Variants in ESYT2 observed in about 807,000 individuals in gnomAD.
ESYT2 encodes the protein extended synaptotagmin 2, also known as extended synaptotagmin-2.
In ESYT2, 54 loss-of-function variants were observed where a neutral mutation model predicts 107.2. The ratio of observed to expected loss-of-function variants is 0.50; its 90% CI spans 0.40 to 0.63. The LOEUF (loss-of-function observed/expected upper bound fraction) is 0.63. Among genes scored for constraint, ESYT2 ranks in the 30% least tolerant of loss-of-function variants. The pLI, the probability that ESYT2 is intolerant of heterozygous loss-of-function variation, is 0.00. For synonymous variants in ESYT2, 491 were observed against 434.1 expected, an observed-to-expected ratio of 1.13 and a Z score of -1.63; for missense variants, 1,020 against 1,094.5, an observed-to-expected ratio of 0.93 and a Z score of 0.96.
chr7:158,741,541 C>T lies in ESYT2; in HGVS notation c.2150G>A (p.Arg717Lys), dbSNP rs1321438055. 6.3e-7 allele frequency: 1 copy of T among 1,590,954 alleles called. No individual in the cohort carries two copies. The highest frequency in any genetic ancestry group is 2.2e-5 in the East Asian group (1 of 44,700). Residue 717 changes from arginine to lysine, a missense_variant, in exon 18 of 23, where the codon AGG becomes AAG. By Grantham distance (26) the Arg-to-Lys change is conservative (BLOSUM62 2). Coordinates refer to ENST00000275418, the MANE Select transcript of ESYT2 (RefSeq NM_001367773.1). ...LPIATQELRQ[R>K]LRQLENGTTL... Reference sequence around the variant, plus strand: ...TAGTTACTTTTCCAGCTGCCTCAGCCTTTGCCGCAGCTCCTGGGTGGCGAT... The same window carrying T: ...TAGTTACTTTTCCAGCTGCCTCAGCTTTTGCCGCAGCTCCTGGGTGGCGAT...
chr7:158,783,627 G>C (rs1409733076), intron 6 of ESYT2, among the ~76,000 whole-genome samples: 1 of 152,206 alleles, frequency 6.6e-6, no homozygotes, highest in Admixed American at 6.5e-5. Context: ...TGAGGGAGGA[G>C]AGGCAGGAGT....
intron 6 of ESYT2, among the ~76,000 whole-genome samples, chr7:158,782,540 T>TGA (rs1838937807): frequency 6.8e-6 from 1 of 146,388 alleles, no homozygotes; most frequent in Admixed American, 6.7e-5. Context: ...TGTAAGAAAA[T>TGA]GAGTGTGAGA....
intron 1 of ESYT2, among the ~76,000 whole-genome samples, chr7:158,810,244 A>G (rs981553701): frequency 6.6e-6 from 1 of 152,240 alleles, no homozygotes; most frequent in Admixed American, 6.5e-5. Context: ...CAGCAGCATG[A>G]TTTATATTTG....
intron 1 of ESYT2, among the ~76,000 whole-genome samples, chr7:158,801,216 A>C (rs1303773894): frequency 6.6e-6 from 1 of 152,190 alleles, no homozygotes; most frequent in Non-Finnish European, 1.5e-5. Context: ...TGCCCAAATA[A>C]GCTTTGAATA....
rs192410231 is a variant in ESYT2, at chr7:158,744,096, C to T, written c.1645-418G>A. 2.7e-4 allele frequency: 46 copies of T among 167,600 alleles called. No homozygotes were observed. The East Asian group carries it at 8.4e-3, about 31-fold the overall frequency. The allele number at this position is 167,600 out of a possible 1,614,324, so 10.4% of individuals were successfully genotyped here. A position where few individuals can be genotyped will look rare whatever the true frequency, so the allele number is the denominator to read the frequency against. On this transcript the variant is annotated intron_variant, in intron 16 of 22. Transcript: ENST00000275418. ...ACAAACAAACAAATGTAGAAAGGTC[C>T]ACAGACAATATTAGTCTGTAAGAAA...
intron 4 of ESYT2, among the ~76,000 whole-genome samples, chr7:158,792,074 G>A (rs796394197): frequency 1.3e-5 from 2 of 149,188 alleles, no homozygotes; most frequent in African/African-American, 4.9e-5. Context: ...ATTGTTAATT[G>A]TTAGTGTATA....
chr7:158,801,311 C>G (rs1029743681), intron 1 of ESYT2, among the ~76,000 whole-genome samples: 10 of 152,174 alleles, frequency 6.6e-5, no homozygotes, highest in Admixed American at 2.6e-4. Context: ...ATCGAGCCGT[C>G]TCTTAGTAGT....
Position 158,748,182 on chromosome 7 carries a change from C to A in ESYT2, c.1644+12G>T. On this transcript the variant is annotated intron_variant, in intron 16 of 22. Coordinates refer to ENST00000275418, the MANE Select transcript of ESYT2 (RefSeq NM_001367773.1). ...TTGTCAATAAATTGGTTAAAAAATG[C>A]AAATAAAATACCTCAACTTCAAGGT... 2.5e-6 allele frequency: 4 copies of A among 1,610,932 alleles called. No individual in the cohort carries two copies. Among genetic ancestry groups the A allele is most frequent in the Non-Finnish European group, 3.4e-6 (4 of 1,178,694 alleles).
chr7:158,751,588 A>G (rs1376882255), intron 14 of ESYT2, among the ~76,000 whole-genome samples: 4 of 151,702 alleles, frequency 2.6e-5, no homozygotes, highest in Non-Finnish European at 4.4e-5. Flanking sequence ...AAACTAGGTG[A>G]GCTAATTTAA....
intron 13 of ESYT2, among the ~76,000 whole-genome samples, chr7:158,757,256 A>G (rs1258317047): frequency 6.6e-6 from 1 of 152,252 alleles, no homozygotes; most frequent in Admixed American, 6.5e-5. Flanking sequence ...CCGCCAGCCA[A>G]CTGCATTAGA....
At chr7:158,797,682 G>A (rs1014725996) in intron 3 of ESYT2, among the ~76,000 whole-genome samples, 2 of 151,852 alleles carry the variant, frequency 1.3e-5, no homozygotes, top group East Asian at 1.9e-4. Context: ...GTGAAACCCC[G>A]TCTCTACTAA....
intron 1 of ESYT2, among the ~76,000 whole-genome samples, chr7:158,808,510 G>A (rs1407991912): frequency 1.3e-5 from 2 of 152,240 alleles, no homozygotes; most frequent in Non-Finnish European, 2.9e-5. Context: ...AAGTGAAAAG[G>A]TGAAAGTTCT....
At chr7:158,794,220 G>A (rs960762435) in intron 3 of ESYT2, among the ~76,000 whole-genome samples, 2 of 152,176 alleles carry the variant, frequency 1.3e-5, no homozygotes, top group African/African-American at 4.8e-5. Flanking sequence ...ACGCCCAGGC[G>A]TGGCCGCTCA....
intron 1 of ESYT2, among the ~76,000 whole-genome samples, chr7:158,826,493 T>A (rs1015872110): frequency 3.7e-4 from 57 of 152,108 alleles, no homozygotes; most frequent in Middle Eastern, 6.8e-3. Flanking sequence ...TTGAAAAGAA[T>A]CTTTGGCTAA....
intron 1 of ESYT2, among the ~76,000 whole-genome samples, chr7:158,822,183 TAAC>T (rs1302432297): frequency 1.3e-5 from 2 of 152,064 alleles, no homozygotes; most frequent in African/African-American, 4.8e-5. Flanking sequence ...TGCCAAACCA[TAAC>T]AAAATGCAAG....
At chr7:158,786,139 AT>A (rs34008892) in intron 6 of ESYT2, among the ~76,000 whole-genome samples, 16,453 of 152,178 alleles carry the variant, frequency 0.11, 1,343 homozygotes, top group East Asian at 0.43. Context: ...TGAGCACTAA[AT>A]TTCATTTGGA....
At chr7:158,818,789 G>A (rs1319519416) in intron 1 of ESYT2, among the ~76,000 whole-genome samples, 1 of 152,232 alleles carries the variant, frequency 6.6e-6, no homozygotes, top group Admixed American at 6.5e-5. Context: ...AGGGAGTTAG[G>A]AAGGGGTGGG....
chr7:158,771,006 T>C (rs1483347431), intron 7 of ESYT2, among the ~76,000 whole-genome samples: 1 of 151,908 alleles, frequency 6.6e-6, no homozygotes, highest in African/African-American at 2.4e-5. Flanking sequence ...AAAATAAAAA[T>C]AAAATAGCTA....
chr7:158,814,287 T>TTTTATA (rs1219869401), intron 1 of ESYT2, among the ~76,000 whole-genome samples: 7 of 66,910 alleles, frequency 1.0e-4, no homozygotes, highest in South Asian at 1.1e-3. Flanking sequence ...AAAAAAAAAA[T>TTTTATA]TATATATATA....
Sources: gnomAD v4.1 joint callset for allele counts (sites outside exome capture counted in the v4.1 genomes callset) on GRCh38, gnomAD v4.1.1 for gene constraint, MANE v1.5 for transcripts, NCBI Gene and HGNC (gene_info 2026-07-23, HGNC 2026-07-21) for gene names.